FILIP1: variants seen among roughly 807,000 people sequenced by gnomAD.
FILIP1 encodes filamin-A-interacting protein 1.
Under a neutral mutation model 102.1 loss-of-function variants are expected in FILIP1, and 61 were observed. That is an observed-to-expected ratio of 0.60 (90% CI 0.49 to 0.74). The LOEUF (loss-of-function observed/expected upper bound fraction) is 0.74. Among genes scored for constraint, FILIP1 ranks in the 30% least tolerant of loss-of-function variants. The pLI is 0.00. For missense variants in FILIP1, 1,314 were observed against 1,441.2 expected (o/e 0.91, Z 1.43); for synonymous variants, 491 against 526.9 (o/e 0.93, Z 0.93).
chr6:75,372,669 GAAA>G (rs1775574629), intron 2 of FILIP1, among the ~76,000 whole-genome samples: 1 of 57,082 alleles, frequency 1.8e-5, no homozygotes, highest in African/African-American at 1.0e-4. Context: ...AAGAAAGAAA[GAAA>G]GAAAGAAAGA....
intron 1 of FILIP1, among the ~76,000 whole-genome samples, chr6:75,447,097 G>A (rs892163603): frequency 2.0e-5 from 3 of 152,090 alleles, no homozygotes; most frequent in East Asian, 1.9e-4. Context: ...AAAAAGAAAC[G>A]ATTAAGGCAT....
chr6:75,471,900 T>C (rs1337692190), intron 1 of FILIP1, among the ~76,000 whole-genome samples: 1 of 152,114 alleles, frequency 6.6e-6, no homozygotes, highest in African/African-American at 2.4e-5. Flanking sequence ...CATTATATTG[T>C]TAACAGTGAC....
At chr6:75,464,213 T>G (rs985328460) in intron 1 of FILIP1, among the ~76,000 whole-genome samples, 2 of 152,214 alleles carry the variant, frequency 1.3e-5, no homozygotes, top group South Asian at 2.1e-4. Flanking sequence ...ATTATTTCCT[T>G]CTTTTAAATT....
At chr6:75,343,587 C>T (rs1033062174) in intron 4 of FILIP1, among the ~76,000 whole-genome samples, 1 of 152,106 alleles carries the variant, frequency 6.6e-6, no homozygotes, top group South Asian at 2.1e-4. Context: ...AAATTGGATC[C>T]ACTTGATTAC....
At chr6:75,360,740 T>A (rs1302570106) in intron 3 of FILIP1, 1 of 152,210 alleles carries the variant, frequency 6.6e-6, no homozygotes, top group Non-Finnish European at 1.5e-5. Context: ...TTGGATACCC[T>A]CGCTGGGCCT....
chr6:75,353,728 A>T lies in FILIP1; in HGVS notation c.451-11T>A. On this transcript the variant is annotated splice_polypyrimidine_tract_variant and intron_variant, in intron 3 of 5. Coordinates refer to ENST00000237172, the MANE Select transcript of FILIP1 (RefSeq NM_015687.5). ...CTCAAGTCTGTCCAGCTGAATAAGCAAACATGGGAAAGGGCTTAATATTTT... is the reference window on the plus strand; with the variant it reads ...CTCAAGTCTGTCCAGCTGAATAAGCTAACATGGGAAAGGGCTTAATATTTT... 1 of 1,611,524 alleles carries T rather than the reference A, an allele frequency of 6.2e-7. No individual in the cohort carries two copies. The highest frequency in any genetic ancestry group is 1.1e-5 in the South Asian group (1 of 90,972).
At chr6:75,392,191 C>A (rs1776298832) in intron 2 of FILIP1, among the ~76,000 whole-genome samples, 1 of 152,158 alleles carries the variant, frequency 6.6e-6, no homozygotes, top group African/African-American at 2.4e-5. Flanking sequence ...TTACCCAGGG[C>A]TTAGTCCTTG....
chr6:75,443,460 A>C (rs1778342103), intron 1 of FILIP1, among the ~76,000 whole-genome samples: 1 of 152,186 alleles, frequency 6.6e-6, no homozygotes, highest in South Asian at 2.1e-4. Context: ...TAAGGGGAAA[A>C]ATGGATATAT....
intron 4 of FILIP1, among the ~76,000 whole-genome samples, chr6:75,347,179 G>GA (rs898756796): frequency 6.6e-6 from 1 of 152,084 alleles, no homozygotes; most frequent in East Asian, 1.9e-4. Flanking sequence ...TTTTCTTACT[G>GA]AAAAAAACTC....
chr6:75,371,218 G>A (rs933669080), intron 2 of FILIP1, among the ~76,000 whole-genome samples: 2 of 152,174 alleles, frequency 1.3e-5, no homozygotes, highest in Non-Finnish European at 2.9e-5. Context: ...GGCTAAAAAT[G>A]TGACTTTTTC....
At chr6:75,435,580 C>T (rs1183218179) in intron 1 of FILIP1, among the ~76,000 whole-genome samples, 1 of 152,216 alleles carries the variant, frequency 6.6e-6, no homozygotes, top group Non-Finnish European at 1.5e-5. Flanking sequence ...TGCTCCCACC[C>T]ATGATGGGGG....
At chr6:75,305,730 A>G (rs1335126936), downstream of FILIP1, among the ~76,000 whole-genome samples, 1 of 152,118 alleles carries the variant, frequency 6.6e-6, no homozygotes. Context: ...TCAGGCAGTG[A>G]AGACCAGGGT....
chr6:75,484,708 T>G (rs939091450), intron 1 of FILIP1, among the ~76,000 whole-genome samples: 8 of 151,994 alleles, frequency 5.3e-5, no homozygotes, highest in Non-Finnish European at 1.0e-4. Context: ...GAGGTCAGAG[T>G]CTAGAGGTTT....
chr6:75,452,476 T>C (rs564216291), intron 1 of FILIP1, among the ~76,000 whole-genome samples: 3 of 152,302 alleles, frequency 2.0e-5, no homozygotes, highest in Non-Finnish European at 2.9e-5. Context: ...CCATGGTGTA[T>C]ATGTGCCACA....
Position 75,308,803 on chromosome 6 carries a change from C to G in FILIP1, c.3530G>C (p.Gly1177Ala). 6.2e-7 allele frequency: 1 copy of G among 1,614,052 alleles called. No individual in the cohort carries two copies. Residue 1177 changes from glycine (G) to alanine (A), a missense_variant, in exon 6 of 6, where the codon GGA becomes GCA. Around this residue, in one of 3 missense-constraint regions of FILIP1, gnomAD observed 816 missense variants for 913.1 expected, o/e 0.89. Coordinates refer to ENST00000237172, the MANE Select transcript of FILIP1 (RefSeq NM_015687.5). ...CTCGAATTTGGTCAGATTTCCTGCT[C>G]CTGGGGCTGCCACTACTGGCTTTCC... ...KAGKPVVAAP[G>A]AGNLTKFEPR...
chr6:75,407,521 C>T (rs112345574), intron 2 of FILIP1, among the ~76,000 whole-genome samples: 89 of 152,244 alleles, frequency 5.8e-4, no homozygotes, highest in African/African-American at 1.9e-3. Context: ...CCACCGCGCC[C>T]GACCTTATAA....
At chr6:75,472,901 T>C (rs1405376869) in intron 1 of FILIP1, among the ~76,000 whole-genome samples, 1 of 152,156 alleles carries the variant, frequency 6.6e-6, no homozygotes, top group Non-Finnish European at 1.5e-5. Flanking sequence ...AAAAACCCCA[T>C]CTTAAGCCTC....
intron 1 of FILIP1, among the ~76,000 whole-genome samples, chr6:75,485,870 A>G (rs759877929): frequency 5.3e-5 from 8 of 152,004 alleles, no homozygotes; most frequent in Non-Finnish European, 1.0e-4. Context: ...TCATGCTGCC[A>G]GAATAGCAAC....
At chr6:75,492,430 C>A (rs954859517) in intron 1 of FILIP1, among the ~76,000 whole-genome samples, 1 of 152,038 alleles carries the variant, frequency 6.6e-6, no homozygotes, top group Admixed American at 6.6e-5. Flanking sequence ...AAAAATTATT[C>A]AAATCATCAT....
Sources: allele counts gnomAD v4.1 joint callset (sites outside exome capture counted in the v4.1 genomes callset), GRCh38; gene constraint gnomAD v4.1.1; regional missense constraint gnomAD v4.1.1; transcripts MANE v1.5; gene names NCBI Gene and HGNC (gene_info 2026-07-23, HGNC 2026-07-21).